The following RASAL2 variants were observed in gnomAD, a reference collection of about 807,000 sequenced individuals.
The protein encoded by RASAL2 is RAS protein activator like 2.
Under a neutral mutation model 128.9 loss-of-function variants are expected in RASAL2, and 58 were observed. That is an observed-to-expected ratio of 0.45 (90% CI 0.36 to 0.56). RASAL2 has a LOEUF of 0.56. Among genes scored for constraint, RASAL2 ranks in the 20% least tolerant of loss-of-function variants. The probability of loss-of-function intolerance (pLI) is 0.00; values close to 1 mark genes in which losing one functional copy is unlikely to be tolerated. For missense variants in RASAL2, 1,360 were observed against 1,601.6 expected, an observed-to-expected ratio of 0.85 and a Z score of 2.57; for synonymous variants, 561 against 580.8, an observed-to-expected ratio of 0.97 and a Z score of 0.49.
At position 178,445,659 on chromosome 1, in the gene RASAL2, C is replaced by G; in HGVS notation, c.1624C>G (p.Leu542Val). 6.2e-7 allele frequency: 1 copy of G among 1,610,796 alleles called. No individual in the cohort carries two copies. The highest frequency in any genetic ancestry group is 1.7e-4 in the Middle Eastern group (1 of 6,038). Residue 542 changes from leucine to valine, a missense_variant, in exon 9 of 18, where the codon CTG becomes GTG. Around this residue, in one of 3 missense-constraint regions of RASAL2, gnomAD observed 617 missense variants for 714.2 expected, o/e 0.86. Coordinates refer to ENST00000367649, the MANE Select transcript of RASAL2 (RefSeq NM_170692.4). Reference sequence around the variant, plus strand: ...GGGACAACAGTATCTTCATGACGCACTGGGTATGAAAGAGAAAAACATCTA... The same window carrying G: ...GGGACAACAGTATCTTCATGACGCAGTGGGTATGAAAGAGAAAAACATCTA... ...LVGQQYLHDALGEFIKALYES... is the reference protein window; with the variant it reads ...LVGQQYLHDAVGEFIKALYES...
At chr1:178,265,842 A>T (rs1665922743) in intron 1 of RASAL2, among the ~76,000 whole-genome samples, 1 of 152,224 alleles carries the variant, frequency 6.6e-6, no homozygotes, top group South Asian at 2.1e-4. Context: ...AGGTTTACCC[A>T]ATTTTGATGT....
At chr1:178,365,480 TGTTATGTTA>T (rs1671350094) in intron 3 of RASAL2, among the ~76,000 whole-genome samples, 1 of 151,218 alleles carries the variant, frequency 6.6e-6, no homozygotes, top group Admixed American at 6.6e-5. Flanking sequence ...TGTTATGTTA[TGTTATGTTA>T]TTTTGATGGA....
At chr1:178,325,050 G>A (rs1329364338) in intron 3 of RASAL2, among the ~76,000 whole-genome samples, 2 of 152,028 alleles carry the variant, frequency 1.3e-5, no homozygotes, top group African/African-American at 4.8e-5. Flanking sequence ...TTCTTTTCCT[G>A]TTGTCTTCAG....
intron 1 of RASAL2, among the ~76,000 whole-genome samples, chr1:178,120,309 C>G (rs1659669919): frequency 6.6e-6 from 1 of 152,150 alleles, no homozygotes; most frequent in African/African-American, 2.4e-5. Context: ...TTAGAGTCCC[C>G]TGCTGTTTCA....
At chr1:178,242,324 A>G (rs1254722639) in intron 1 of RASAL2, among the ~76,000 whole-genome samples, 3 of 151,798 alleles carry the variant, frequency 2.0e-5, no homozygotes, top group African/African-American at 7.3e-5. Flanking sequence ...TGATACTCTT[A>G]ATATTTTAGC....
chr1:178,447,758 T>A (rs1351952760), intron 9 of RASAL2, among the ~76,000 whole-genome samples: 5 of 134,266 alleles, frequency 3.7e-5, no homozygotes, highest in African/African-American at 1.4e-4. Flanking sequence ...CAAGTAAGAA[T>A]AGAGAGGAAG....
chr1:178,339,413 C>A (rs968622066), intron 3 of RASAL2, among the ~76,000 whole-genome samples: 15 of 152,156 alleles, frequency 9.9e-5, no homozygotes, highest in African/African-American at 3.4e-4. Context: ...AAATTGTAAT[C>A]TTTTCCTGCA....
chr1:178,244,099 C>T (rs1464576394), intron 1 of RASAL2, among the ~76,000 whole-genome samples: 16 of 152,096 alleles, frequency 1.1e-4, no homozygotes. Context: ...AGCAATTTAA[C>T]CCTTCAGTCA....
chr1:178,097,929 T>C (rs1428264930), intron 1 of RASAL2, among the ~76,000 whole-genome samples: 1 of 152,224 alleles, frequency 6.6e-6, no homozygotes. Flanking sequence ...TGGAAAACTT[T>C]TCTGGAATAT....
intron 1 of RASAL2, among the ~76,000 whole-genome samples, chr1:178,139,610 G>A (rs1660458024): frequency 6.6e-6 from 1 of 152,006 alleles, no homozygotes. Context: ...CCTATGATAG[G>A]TGAAGAAACT....
Position 178,103,053 on chromosome 1 carries a change from G to A in RASAL2, c.202+8359G>A, listed in dbSNP as rs74772001. On this transcript the variant is annotated intron_variant, in intron 1 of 17. Coordinates refer to ENST00000367649, the MANE Select transcript of RASAL2 (RefSeq NM_170692.4). ...CCATGAGTTCTGGGGGTCTGGAGCC[G>A]GTAAATTGCTTTATATCTGAAATGA... Among the ~76,000 whole-genome samples the A allele has an allele frequency of 6.2e-3, 945 of 152,074 alleles. 5 individuals are homozygous for A. The highest frequency in any genetic ancestry group is 0.021 in the African/African-American group (889 of 41,456).
chr1:178,204,873 G>A (rs1316790567), intron 1 of RASAL2, among the ~76,000 whole-genome samples: 1 of 152,186 alleles, frequency 6.6e-6, no homozygotes, highest in East Asian at 1.9e-4. Context: ...TTCATAATCA[G>A]AGGAAAATGT....
At chr1:178,383,901 A>G (rs1005313118) in intron 3 of RASAL2, among the ~76,000 whole-genome samples, 4 of 152,260 alleles carry the variant, frequency 2.6e-5, no homozygotes, top group African/African-American at 9.6e-5. Flanking sequence ...ATTCATAGCA[A>G]CACTATATAT....
intron 1 of RASAL2, among the ~76,000 whole-genome samples, chr1:178,173,527 A>T (rs928637959): frequency 2.6e-5 from 4 of 151,990 alleles, no homozygotes; most frequent in Admixed American, 6.6e-5. Flanking sequence ...CACATTTCGT[A>T]TGTATGTTCT....
At position 178,456,728 on chromosome 1, in the gene RASAL2, T is replaced by C. The variant is rs1300715883; in HGVS notation, c.2219T>C (p.Val740Ala). ...EVVSQLDKAT[V>A]AKLGPLPRVL... is the part of the protein sequence containing the mutation. ...GAAAATTCCTTCCTACAGGCGACCG[T>C]GGCAAAATTGGGGCCTCTCCCTCGT... The change falls in exon 13 of 18, where the codon GTG becomes GCG. Residue 740 changes from valine to alanine, a missense_variant. Val to Ala is a moderately conservative substitution (Grantham distance 64, BLOSUM62 0). Around this residue, in one of 3 missense-constraint regions of RASAL2, gnomAD observed 741 missense variants for 868.6 expected, o/e 0.85. Transcript: ENST00000367649. The C allele has an allele frequency of 2.5e-6, 4 of 1,614,126 alleles. No individual in the cohort carries two copies. The highest frequency in any genetic ancestry group is 3.4e-6 in the Non-Finnish European group (4 of 1,180,014).
At chr1:178,307,141 G>A (rs1459182941) in intron 3 of RASAL2, among the ~76,000 whole-genome samples, 3 of 151,834 alleles carry the variant, frequency 2.0e-5, no homozygotes, top group Non-Finnish European at 4.4e-5. Flanking sequence ...TATGCACACA[G>A]AATAAAGATT....
At chr1:178,415,715 C>T (rs1674709088) in intron 4 of RASAL2, among the ~76,000 whole-genome samples, 1 of 152,034 alleles carries the variant, frequency 6.6e-6, no homozygotes, top group African/African-American at 2.4e-5. Flanking sequence ...CAACTCTTAC[C>T]AGTTTTGCCT....
chr1:178,181,635 T>C (rs1662112678), intron 1 of RASAL2, among the ~76,000 whole-genome samples: 1 of 152,180 alleles, frequency 6.6e-6, no homozygotes, highest in Non-Finnish European at 1.5e-5. Context: ...CATTTAACTT[T>C]GGTTGTCATA....
At chr1:178,213,154 G>T (rs1663312466) in intron 1 of RASAL2, among the ~76,000 whole-genome samples, 2 of 152,136 alleles carry the variant, frequency 1.3e-5, no homozygotes, top group African/African-American at 4.8e-5. Context: ...TGCCACCTCA[G>T]CCTCTGGAGT....
Sources: allele counts gnomAD v4.1 joint callset (sites outside exome capture counted in the v4.1 genomes callset), GRCh38; gene constraint gnomAD v4.1.1; regional missense constraint gnomAD v4.1.1; transcripts MANE v1.5; gene names NCBI Gene and HGNC (gene_info 2026-07-23, HGNC 2026-07-21).